Variants in QSOX2 observed in about 807,000 individuals in gnomAD.
QSOX2 encodes quiescin sulfhydryl oxidase 2, also known as sulfhydryl oxidase 2.
In QSOX2, 46 loss-of-function variants were observed where a neutral mutation model predicts 61.7. The observed-to-expected ratio is 0.75, with a 90% CI of 0.59 to 0.95. The LOEUF (loss-of-function observed/expected upper bound fraction) is 0.95, where lower values mean the gene tolerates loss of function less well. QSOX2 is among the 40% of genes least tolerant of loss of function. The pLI is 0.00. For missense variants in QSOX2, 879 were observed against 918.9 expected (o/e 0.96, Z 0.56); for synonymous variants, 383 against 388.4 (o/e 0.99, Z 0.16).
At position 136,245,781 on chromosome 9, in the gene QSOX2, A is replaced by ACCGCCGCCCCGGCCG; in HGVS notation, c.8_22dup (p.Ala3_Ala7dup). The ACCGCCGCCCCGGCCG allele has an allele frequency of 1.7e-6, 2 of 1,146,060 alleles. No homozygotes were observed. The highest frequency in any genetic ancestry group is 4.0e-5 in the East Asian group (1 of 24,966). The allele number at this position is 1,146,060 out of a possible 1,614,324, so 71.0% of individuals were successfully genotyped here. On this transcript the variant is annotated inframe_insertion, in exon 1 of 12. Coordinates refer to ENST00000358701, the MANE Select transcript of QSOX2 (RefSeq NM_181701.4). ...CGCTCCGATTCCCGGGCTGCGCGCC[A>ACCGCCGCCCCGGCCG]CCGCCGCCCCGGCCGCCGCCATGTT...
rs1024448052 is a variant in QSOX2, at chr9:136,245,057, T to C, written c.328+419A>G. 1.2e-4 allele frequency among the ~76,000 whole-genome samples: 18 copies of C among 151,876 alleles called. No individual in the cohort carries two copies. The East Asian group carries it at 3.3e-3, about 28-fold the overall frequency. On this transcript the variant is annotated intron_variant, in intron 1 of 11. Transcript: ENST00000358701. The stretch of plus-strand genomic sequence containing the variant: ...GAACAGGAATTCTGGGCACTGGGGA[T>C]GGGGTGTGTGGACGCTAGGAAACAG...
chr9:136,212,832 T>C (rs1034414165), intron 10 of QSOX2, among the ~76,000 whole-genome samples: 1 of 152,092 alleles, frequency 6.6e-6, no homozygotes, highest in Non-Finnish European at 1.5e-5. Flanking sequence ...AAACATACAG[T>C]AAAGAGAAGA....
chr9:136,227,882 G>C (rs769117282), intron 1 of QSOX2, among the ~76,000 whole-genome samples: 1 of 152,198 alleles, frequency 6.6e-6, no homozygotes, highest in Non-Finnish European at 1.5e-5. Flanking sequence ...GAGAGGCTGA[G>C]GTGGGAGGAC....
At chr9:136,233,035 C>T (rs1830346790) in intron 1 of QSOX2, among the ~76,000 whole-genome samples, 1 of 151,722 alleles carries the variant, frequency 6.6e-6, no homozygotes, top group Non-Finnish European at 1.5e-5. Flanking sequence ...GGAAAAAATG[C>T]CACAAAGGAC....
At chr9:136,218,893 TC>T in intron 7 of QSOX2, 85 bp from the exon 8 acceptor site, 1 of 1,572,458 alleles carries the variant, frequency 6.4e-7, no homozygotes, top group Non-Finnish European at 8.6e-7. Context: ...CCCCACGGAC[TC>T]CCAGGGCCCC....
At position 136,209,181 on chromosome 9, in the gene QSOX2, G is replaced by C. The variant is rs780492077; in HGVS notation, c.1644C>G (p.Ser548Arg). Residue 548 changes from serine to arginine, a missense_variant, in exon 12 of 12, where the codon AGC (serine) becomes AGG (arginine). Transcript: ENST00000358701. The surrounding 1 kb of genome is among the most constrained non-coding windows in gnomAD (Gnocchi z 5.6). ...ATGTGAGCACGTGGCCTTCATCCCAGCTGGCCAGGCCCTTAATTTCCTCAT... is the reference window on the plus strand; with the variant it reads ...ATGTGAGCACGTGGCCTTCATCCCACCTGGCCAGGCCCTTAATTTCCTCAT... ...ACHEEIKGLA[S>R]WDEGHVLTFL... The C allele has an allele frequency of 1.2e-6, 2 of 1,614,176 alleles. No individual in the cohort carries two copies. Among genetic ancestry groups the C allele is most frequent in the Non-Finnish European group, 1.7e-6 (2 of 1,180,040 alleles).
intron 1 of QSOX2, among the ~76,000 whole-genome samples, chr9:136,231,260 C>T (rs972996148): frequency 7.9e-5 from 12 of 152,168 alleles, no homozygotes; most frequent in African/African-American, 2.2e-4. Flanking sequence ...TGCCCGACTC[C>T]GACTAGCGTG....
intron 1 of QSOX2, among the ~76,000 whole-genome samples, chr9:136,238,017 G>T (rs1830404310): frequency 6.6e-6 from 1 of 152,210 alleles, no homozygotes; most frequent in Non-Finnish European, 1.5e-5. Flanking sequence ...TTGTCTACCA[G>T]ACAGATGAGG....
chr9:136,210,191 A>G (rs1831828523), intron 11 of QSOX2: 1 of 985,374 alleles, frequency 1.0e-6, no homozygotes, highest in South Asian at 4.7e-5. Context: ...AGCTTCATGT[A>G]GGACTGTCAA....
chr9:136,227,037 G>A (rs1830288939), intron 1 of QSOX2, among the ~76,000 whole-genome samples, 163 bp from the exon 2 acceptor site: 1 of 152,208 alleles, frequency 6.6e-6, no homozygotes, highest in Non-Finnish European at 1.5e-5. Flanking sequence ...TCTATGTGGA[G>A]CTAGGAGAGA....
chr9:136,245,438 C>T, intron 1 of QSOX2, 38 bp downstream of exon 1: 1 of 1,509,066 alleles, frequency 6.6e-7, no homozygotes, highest in Non-Finnish European at 8.9e-7. Flanking sequence ...GCCGCGGTCC[C>T]GGGGGTCGGG....
At chr9:136,232,654 C>T (rs1830341639) in intron 1 of QSOX2, among the ~76,000 whole-genome samples, 1 of 152,084 alleles carries the variant, frequency 6.6e-6, no homozygotes, top group African/African-American at 2.4e-5. Context: ...CAGCGTAAGT[C>T]GGGGCCTGGA....
chr9:136,233,526 C>T lies in QSOX2; in HGVS notation c.329-6652G>A, dbSNP rs772600335. Among the ~76,000 whole-genome samples the T allele has an allele frequency of 3.9e-5, 6 of 152,218 alleles. No individual in the cohort carries two copies. The East Asian group carries it at 7.7e-4, about 20-fold the overall frequency. ...GCTGGAAGGACTGCACCACTGAAGA[C>T]GCCATCGTTGTTATAGGAAGAGCCG... is the stretch of plus-strand genomic sequence containing the variant. On this transcript the variant is annotated intron_variant, in intron 1 of 11. Coordinates refer to ENST00000358701, the MANE Select transcript of QSOX2 (RefSeq NM_181701.4).
Position 136,245,469 on chromosome 9 carries a change from G to T in QSOX2, c.328+7C>A. 1 of 1,585,372 alleles carries T rather than the reference G, an allele frequency of 6.3e-7. No individual in the cohort carries two copies. The highest frequency in any genetic ancestry group is 8.5e-7 in the Non-Finnish European group (1 of 1,173,790). ...TCGGGGGGTCCCCGCGCGGGGGCGC[G>T]CCTCACCTCGCACATCCCCAGCCAG... On this transcript the variant is annotated splice_region_variant and intron_variant, in intron 1 of 11. Transcript: ENST00000358701.
chr9:136,235,296 C>T (rs1830371325), intron 1 of QSOX2, among the ~76,000 whole-genome samples: 1 of 152,252 alleles, frequency 6.6e-6, no homozygotes, highest in Non-Finnish European at 1.5e-5. Flanking sequence ...AAGGCCACGT[C>T]CCCACGACGG....
intron 1 of QSOX2, among the ~76,000 whole-genome samples, chr9:136,236,287 G>T (rs556283897): frequency 1.3e-5 from 2 of 152,250 alleles, no homozygotes; most frequent in African/African-American, 4.8e-5. Flanking sequence ...GCTGTGTGCC[G>T]GCCCCTGGGG....
chr9:136,225,255 G>A (rs112864310), intron 2 of QSOX2, among the ~76,000 whole-genome samples: 3,293 of 152,318 alleles, frequency 0.022, 101 homozygotes, highest in African/African-American at 0.068. Flanking sequence ...TAGCTGTAGC[G>A]TTAGCTGTGA....
At chr9:136,210,832 TA>T (rs1831835146) in intron 11 of QSOX2, 5 of 984,646 alleles carry the variant, frequency 5.1e-6, no homozygotes, top group South Asian at 4.7e-5. Flanking sequence ...CCTATTTAAT[TA>T]TTTTTTTTTA....
rs1032956166 is a variant in QSOX2, at chr9:136,230,630, A to G, written c.329-3756T>C. On this transcript the variant is annotated intron_variant, in intron 1 of 11. Transcript: ENST00000358701. ...ACTGGCTCCTCACAGGCTGTCCCCA[A>G]TGAGGCTTCAGATTCCCAAGACCAA... Among the ~76,000 whole-genome samples the G allele has an allele frequency of 1.3e-4, 20 of 152,342 alleles. 1 individual carries two copies. The highest frequency in any genetic ancestry group is 9.8e-4 in the Admixed American group (15 of 15,310).
Sources: gnomAD v4.1 joint callset for allele counts (sites outside exome capture counted in the v4.1 genomes callset) on GRCh38, gnomAD v4.1.1 for gene constraint, Gnocchi (gnomAD v3.1) non-coding constraint, MANE v1.5 for transcripts, NCBI Gene and HGNC (gene_info 2026-07-23, HGNC 2026-07-21) for gene names.